The following RNF152 variants were observed in gnomAD, a reference collection of about 807,000 sequenced individuals.
RNF152 encodes ring finger protein 152, also known as E3 ubiquitin-protein ligase RNF152.
Under a neutral mutation model 12.7 loss-of-function variants are expected in RNF152, and 11 were observed. The ratio of observed to expected loss-of-function variants is 0.86; its 90% CI spans 0.54 to 1.43. The LOEUF is 1.43. Ranked by LOEUF, RNF152 falls within the 40% of genes most tolerant of loss-of-function variation. The pLI, the probability that RNF152 is intolerant of heterozygous loss-of-function variation, is 0.00. For synonymous variants in RNF152, 113 were observed against 120.3 expected (o/e 0.94, Z 0.40); for missense variants, 255 against 274.8 (o/e 0.93, Z 0.51).
At chr18:61,823,163 A>G (rs1909497672) in intron 1 of RNF152, among the ~76,000 whole-genome samples, 1 of 152,232 alleles carries the variant, frequency 6.6e-6, no homozygotes, top group Non-Finnish European at 1.5e-5. Context: ...GTTTTAATGG[A>G]GCAGGACTTT....
chr18:61,822,981 C>T (rs190856385), intron 1 of RNF152, among the ~76,000 whole-genome samples: 14 of 152,318 alleles, frequency 9.2e-5, no homozygotes, highest in African/African-American at 2.9e-4. Context: ...AGCTGGCTTG[C>T]CAGCCACTTA....
chr18:61,839,054 CAAAAAA>C, intron 1 of RNF152, among the ~76,000 whole-genome samples: 1 of 127,798 alleles, frequency 7.8e-6, no homozygotes, highest in Admixed American at 7.7e-5. Flanking sequence ...ACTCTGTGGC[CAAAAAA>C]AAAAAAAAAA....
intron 1 of RNF152, among the ~76,000 whole-genome samples, chr18:61,830,224 G>T (rs748868206): frequency 4.6e-5 from 7 of 151,876 alleles, no homozygotes; most frequent in Admixed American, 6.6e-5. Flanking sequence ...GGGGTGTCTT[G>T]GTATTTGGCC....
chr18:61,865,683 T>C (rs1455624146), intron 1 of RNF152, among the ~76,000 whole-genome samples: 2 of 152,198 alleles, frequency 1.3e-5, no homozygotes, highest in Non-Finnish European at 2.9e-5. Context: ...CACAATGGAC[T>C]AATACTTTGT....
chr18:61,858,014 T>A (rs752389069), intron 1 of RNF152, among the ~76,000 whole-genome samples: 1 of 152,204 alleles, frequency 6.6e-6, no homozygotes, highest in Non-Finnish European at 1.5e-5. Flanking sequence ...TCTATTAAAA[T>A]AAATGAAGCA....
upstream of RNF152, chr18:61,894,062 CGTA>C (rs1913102314): frequency 6.6e-6 from 1 of 152,302 alleles, no homozygotes; most frequent in South Asian, 2.1e-4. This position sits in a 1 kb window ranked among gnomAD's most constrained non-coding sequence, Gnocchi z 4.9. Flanking sequence ...GCGCGGCCGC[CGTA>C]GGGGCGCAGA....
chr18:61,833,343 A>G (rs1449851882), intron 1 of RNF152, among the ~76,000 whole-genome samples: 2 of 152,226 alleles, frequency 1.3e-5, no homozygotes, highest in Non-Finnish European at 2.9e-5. Flanking sequence ...AAAATAAAAC[A>G]AGGTCAAATT....
chr18:61,822,803 A>G (rs2144629022), intron 1 of RNF152, among the ~76,000 whole-genome samples: 1 of 152,350 alleles, frequency 6.6e-6, no homozygotes, highest in South Asian at 2.1e-4. Context: ...TTGTGTTGAG[A>G]AAAAAACTCA....
chr18:61,855,828 G>A (rs988370992), intron 1 of RNF152, among the ~76,000 whole-genome samples: 1 of 152,222 alleles, frequency 6.6e-6, no homozygotes, highest in Non-Finnish European at 1.5e-5. Flanking sequence ...CAGGCAGAAG[G>A]TGCCATTGGC....
At chr18:61,859,391 G>T (rs34360893) in intron 1 of RNF152, among the ~76,000 whole-genome samples, 11,190 of 152,184 alleles carry the variant, frequency 0.074, 732 homozygotes, top group East Asian at 0.39. Context: ...TGTTCCCAGG[G>T]CTCCCAACAC....
chr18:61,882,237 T>C (rs1409681019), intron 1 of RNF152, among the ~76,000 whole-genome samples: 2 of 152,250 alleles, frequency 1.3e-5, no homozygotes, highest in African/African-American at 4.8e-5. Context: ...TAGCCTGTAC[T>C]TAATCTGCAG....
At chr18:61,822,451 C>T (rs1395942426) in intron 1 of RNF152, among the ~76,000 whole-genome samples, 7 of 152,140 alleles carry the variant, frequency 4.6e-5, no homozygotes, top group Admixed American at 2.6e-4. Flanking sequence ...AAAAACTATA[C>T]ATAATTTTAT....
At chr18:61,847,938 AT>A (rs1270775718) in intron 1 of RNF152, among the ~76,000 whole-genome samples, 1 of 152,000 alleles carries the variant, frequency 6.6e-6, no homozygotes, top group Admixed American at 6.6e-5. Flanking sequence ...CTTTTTACAC[AT>A]TGCAAGCTCT....
At chr18:61,860,422 A>G (rs1198417075) in intron 1 of RNF152, among the ~76,000 whole-genome samples, 1 of 152,276 alleles carries the variant, frequency 6.6e-6, no homozygotes, top group Non-Finnish European at 1.5e-5. Flanking sequence ...TGCTGGTCCC[A>G]TAAGATTATA....
chr18:61,859,829 A>G (rs1911382666), intron 1 of RNF152, among the ~76,000 whole-genome samples: 1 of 152,074 alleles, frequency 6.6e-6, no homozygotes, highest in African/African-American at 2.4e-5. Context: ...CAGTGAGCCG[A>G]GATTACACTA....
At chr18:61,859,103 A>G (rs1221529140) in intron 1 of RNF152, among the ~76,000 whole-genome samples, 1 of 152,156 alleles carries the variant, frequency 6.6e-6, no homozygotes, top group Non-Finnish European at 1.5e-5. Flanking sequence ...TGGCTCCTAC[A>G]AGTCATCACC....
At position 61,820,331 on chromosome 18, in the gene RNF152, C is replaced by CAAAAAAAAA. The variant is rs1344591753; in HGVS notation, c.-135-3742_-135-3734dup. On this transcript the variant is annotated intron_variant, in intron 1 of 1. Transcript: ENST00000312828. ...GTGACAGAGAGAGACTCCGTCTCAC[C>CAAAAAAAAA]AAAAAAAAAAAAAAAAAAAAAAAAA... Among the ~76,000 whole-genome samples, 31 of 39,974 alleles carry CAAAAAAAAA rather than the reference C, an allele frequency of 7.8e-4. 13 individuals carry two copies. Among genetic ancestry groups the CAAAAAAAAA allele is most frequent in the African/African-American group, 2.5e-3 (17 of 6,838 alleles). 26.2% of individuals were successfully genotyped at this position (39,974 alleles called of 152,430 possible). A position where few individuals can be genotyped will look rare whatever the true frequency, so the allele number is the denominator to read the frequency against.
At chr18:61,840,226 G>A (rs1034572369) in intron 1 of RNF152, among the ~76,000 whole-genome samples, 1 of 152,204 alleles carries the variant, frequency 6.6e-6, no homozygotes, top group African/African-American at 2.4e-5. Flanking sequence ...CCTTGATCTT[G>A]GATTTCCCAG....
At chr18:61,823,518 C>T (rs989893515) in intron 1 of RNF152, among the ~76,000 whole-genome samples, 4 of 152,212 alleles carry the variant, frequency 2.6e-5, no homozygotes, top group Non-Finnish European at 5.9e-5. Flanking sequence ...AGGCTGGTCT[C>T]GAACTCCTGA....
Sources: allele counts gnomAD v4.1 joint callset (sites outside exome capture counted in the v4.1 genomes callset), GRCh38; gene constraint gnomAD v4.1.1; non-coding constraint Gnocchi (gnomAD v3.1); transcripts MANE v1.5; gene names NCBI Gene and HGNC (gene_info 2026-07-23, HGNC 2026-07-21).